Variants in VCL observed in about 807,000 individuals in gnomAD.
The protein encoded by VCL is vinculin, also known as epididymis luminal protein 114.
VCL carries 47 observed loss-of-function variants against 125.7 expected under a neutral mutation model. That is an observed-to-expected ratio of 0.37 (90% confidence interval 0.30 to 0.48). The LOEUF is 0.48. VCL is among the 20% of genes least tolerant of loss of function. The pLI, the probability that VCL is intolerant of heterozygous loss-of-function variation, is 0.99. For missense variants in VCL, 1,069 were observed against 1,455.5 expected (o/e 0.73, Z 4.32); for synonymous variants, 458 against 514.6 (o/e 0.89, Z 1.49).
intron 6 of VCL, 85 bp downstream of exon 6, chr10:74,074,988 C>T: frequency 6.4e-7 from 1 of 1,558,312 alleles, no homozygotes; most frequent in Non-Finnish European, 8.8e-7. Context: ...CATACTTTAT[C>T]TTGTAATTTT....
Position 74,118,275 on chromosome 10 carries a change from C to A in VCL, c.*106C>A. On this transcript the variant is annotated 3_prime_UTR_variant, in exon 22 of 22. Transcript: ENST00000211998. ...TTGCTGGGAGCTGAAAAATCACATC[C>A]TGGCCTGGCACATCAGAAAGGAATG... 1.4e-6 allele frequency: 2 copies of A among 1,429,216 alleles called. No individual in the cohort carries two copies. The highest frequency in any genetic ancestry group is 2.4e-5 in the East Asian group (1 of 41,914). The allele number at this position is 1,429,216 out of a possible 1,614,324, so 88.5% of individuals were successfully genotyped here. A position where few individuals can be genotyped will look rare whatever the true frequency, so the allele number is the denominator to read the frequency against.
At chr10:74,008,885 G>C (rs991073259) in intron 1 of VCL, among the ~76,000 whole-genome samples, 6 of 152,170 alleles carry the variant, frequency 3.9e-5, no homozygotes, top group Non-Finnish European at 7.3e-5. Context: ...CTCTCAGGCA[G>C]GTCAACCCTT....
rs771420978 is a variant in VCL at position 74,074,843 on chromosome 10, T to C, written c.723T>C (p.Ile241=). The C allele has an allele frequency of 2.4e-5, 38 of 1,614,012 alleles. No homozygotes were observed. Among genetic ancestry groups the C allele is most frequent in the Non-Finnish European group, 3.2e-5 (38 of 1,180,026 alleles). ...NFTVEKMSAE[I]NEIIRVLQLT... ...CTGTAGAAAAAATGAGTGCTGAAAT[T>C]AATGAGATAATTCGTGTGTTACAAC... The change falls in exon 6 of 22, where the codon ATT becomes ATC. Residue 241 remains isoleucine, a synonymous_variant. Transcript: ENST00000211998.
intron 18 of VCL, among the ~76,000 whole-genome samples, chr10:74,111,274 T>C (rs1840214954): frequency 6.6e-6 from 1 of 152,168 alleles, no homozygotes; most frequent in Non-Finnish European, 1.5e-5. Flanking sequence ...CAGTCACCAT[T>C]GTGTTTGTTT....
At chr10:74,103,385 A>G (rs973282686) in intron 14 of VCL, among the ~76,000 whole-genome samples, 4 of 152,198 alleles carry the variant, frequency 2.6e-5, no homozygotes, top group Admixed American at 1.3e-4. Flanking sequence ...TTGCATCTCT[A>G]AAGTAGAGAT....
chr10:74,109,486 A>G (rs1840186920), intron 18 of VCL, among the ~76,000 whole-genome samples: 1 of 152,102 alleles, frequency 6.6e-6, no homozygotes, highest in African/African-American at 2.4e-5. Flanking sequence ...TGGAACTGCA[A>G]ATGTTTTTAG....
chr10:74,061,175 C>A (rs1244401222), intron 2 of VCL, among the ~76,000 whole-genome samples: 1 of 152,098 alleles, frequency 6.6e-6, no homozygotes, highest in Non-Finnish European at 1.5e-5. Context: ...CTTTAAGAAG[C>A]TAGGGAGCTT....
At chr10:74,018,193 T>TATATATATATATATATATATAA in intron 1 of VCL, among the ~76,000 whole-genome samples, 1 of 140,030 alleles carries the variant, frequency 7.1e-6, no homozygotes, top group Non-Finnish European at 1.6e-5. Context: ...TATATATATA[T>TATATATATATATATATATATAA]ATATATATAA....
chr10:74,115,387 G>GATAAATAAATAA (rs142695515), intron 21 of VCL, among the ~76,000 whole-genome samples: 10 of 150,396 alleles, frequency 6.6e-5, no homozygotes, highest in African/African-American at 2.2e-4. Context: ...AAAATAAATA[G>GATAAATAAATAA]ATAAATAAAT....
intron 2 of VCL, among the ~76,000 whole-genome samples, chr10:74,053,215 G>A (rs898614999): frequency 6.6e-6 from 1 of 151,986 alleles, no homozygotes; most frequent in Non-Finnish European, 1.5e-5. Flanking sequence ...TCTTTGGGAG[G>A]AAGAGATATG....
intron 2 of VCL, among the ~76,000 whole-genome samples, chr10:74,050,164 C>T (rs570388807): frequency 1.2e-4 from 19 of 152,308 alleles, no homozygotes; most frequent in Admixed American, 3.9e-4. Context: ...GCTTTCATTT[C>T]GAACTGGACA....
At chr10:74,048,144 G>A (rs1841225036) in intron 2 of VCL, among the ~76,000 whole-genome samples, 1 of 152,132 alleles carries the variant, frequency 6.6e-6, no homozygotes, top group African/African-American at 2.4e-5. Flanking sequence ...TTAAAATGTT[G>A]GTTAGACTAA....
intron 2 of VCL, among the ~76,000 whole-genome samples, chr10:74,044,586 G>A (rs1263101739): frequency 1.3e-5 from 2 of 152,184 alleles, no homozygotes. Flanking sequence ...CTGCTGTTGG[G>A]AATGTAAATT....
rs541061659 is a variant in VCL, at chr10:74,107,859, T to C, written c.2559+505T>C. On this transcript the variant is annotated intron_variant, in intron 17 of 21. Transcript: ENST00000211998. ...TAAGATCTTTAGATACCTTCCCCAC[T>C]ACCCCCCGCAAGTACTGTGAATATA... is the stretch of plus-strand genomic sequence containing the variant. Among the ~76,000 whole-genome samples, 4 of 152,232 alleles carry C rather than the reference T, an allele frequency of 2.6e-5. No homozygotes were observed. The East Asian group carries it at 7.7e-4, about 29-fold the overall frequency.
chr10:74,004,177 A>G (rs934550871), intron 1 of VCL, among the ~76,000 whole-genome samples: 1 of 152,204 alleles, frequency 6.6e-6, no homozygotes, highest in Non-Finnish European at 1.5e-5. Context: ...TTTTCTTCTT[A>G]ATATATTTCT....
Position 74,097,339 on chromosome 10 carries a change from A to G in VCL, c.1872+7A>G, listed in dbSNP as rs760047913. 4 of 1,612,344 alleles carry G rather than the reference A, an allele frequency of 2.5e-6. No homozygotes were observed. The highest frequency in any genetic ancestry group is 4.5e-5 in the East Asian group (2 of 44,842). On this transcript the variant is annotated splice_region_variant and intron_variant, in intron 13 of 21. Coordinates refer to ENST00000211998, the MANE Select transcript of VCL (RefSeq NM_014000.3). This position sits in a 1 kb window ranked among gnomAD's most constrained non-coding sequence, Gnocchi z 4.1. ...TGCGCCTAACAGGGAAGAGGTGGGT[A>G]TCTGAGGTCTTCCATTTTTCTGTCA...
At chr10:74,056,487 CTTTAA>C (rs1254025533) in intron 2 of VCL, among the ~76,000 whole-genome samples, 1 of 151,966 alleles carries the variant, frequency 6.6e-6, no homozygotes, top group African/African-American at 2.4e-5. Flanking sequence ...TTATGTTGTA[CTTTAA>C]GAGAGTTGGG....
chr10:74,047,506 AT>A (rs1251339288), intron 2 of VCL, among the ~76,000 whole-genome samples: 3 of 152,158 alleles, frequency 2.0e-5, no homozygotes, highest in African/African-American at 7.2e-5. Flanking sequence ...ATGTTTAGAA[AT>A]TTCTAGGGCA....
At chr10:74,049,495 CATT>C (rs531436227) in intron 2 of VCL, among the ~76,000 whole-genome samples, 83 of 152,228 alleles carry the variant, frequency 5.5e-4, no homozygotes, top group African/African-American at 2.0e-3. Flanking sequence ...AGAGCTCTCT[CATT>C]ATAAGTAGGA....
Sources: gnomAD v4.1 joint callset for allele counts (sites outside exome capture counted in the v4.1 genomes callset) on GRCh38, gnomAD v4.1.1 for gene constraint, Gnocchi (gnomAD v3.1) non-coding constraint, MANE v1.5 for transcripts, NCBI Gene and HGNC (gene_info 2026-07-23, HGNC 2026-07-21) for gene names.